NDST1: variants seen among roughly 807,000 people sequenced by gnomAD.
The protein encoded by NDST1 is bifunctional heparan sulfate N-deacetylase/N-sulfotransferase 1.
A neutral mutation model predicts 92.8 loss-of-function variants in NDST1; 35 were observed. The ratio of observed to expected loss-of-function variants is 0.38; its 90% CI spans 0.29 to 0.50. The LOEUF (loss-of-function observed/expected upper bound fraction) is 0.50. Ranked by LOEUF, NDST1 falls within the 20% of genes least tolerant of loss-of-function variation. The pLI is 0.94. For missense variants in NDST1, 822 were observed against 1,182.7 expected, an observed-to-expected ratio of 0.69 and a Z score of 4.47; for synonymous variants, 493 against 500.3, an observed-to-expected ratio of 0.99 and a Z score of 0.19.
At chr5:150,541,980 A>G (rs1755267667) in intron 9 of NDST1, among the ~76,000 whole-genome samples, 1 of 152,204 alleles carries the variant, frequency 6.6e-6, no homozygotes, top group Admixed American at 6.5e-5. Flanking sequence ...ATGCCAAGCA[A>G]AACTGGTACA....
At chr5:150,522,966 C>G (rs1754308479) in intron 2 of NDST1, among the ~76,000 whole-genome samples, 2 of 152,202 alleles carry the variant, frequency 1.3e-5, no homozygotes, top group African/African-American at 4.8e-5. Context: ...GGAGATGGGT[C>G]AGAAGTGGCC....
chr5:150,519,814 A>G (rs1277095189), intron 1 of NDST1, among the ~76,000 whole-genome samples: 2 of 152,116 alleles, frequency 1.3e-5, no homozygotes, highest in African/African-American at 2.4e-5. Flanking sequence ...GGATGAGACA[A>G]TTGGGGCCTT....
rs759495065 is a variant in NDST1, at chr5:150,540,255, G to T, written c.1740G>T (p.Pro580=). The change falls in exon 8 of 15, where the codon CCG becomes CCT. Residue 580 remains proline (P), a synonymous_variant. Coordinates refer to ENST00000261797, the MANE Select transcript of NDST1 (RefSeq NM_001543.5). ...YFQIFSEEKD[P]LWQDPCEDKR... ...AGATCTTCTCCGAGGAGAAGGACCC[G>T]CTCTGGCAGGTGGGGGGCTGGGCAG... 8.1e-6 allele frequency: 13 copies of T among 1,605,140 alleles called. No homozygotes were observed. Among genetic ancestry groups the T allele is most frequent in the East Asian group, 6.7e-5 (3 of 44,752 alleles).
In NDST1 at chr5:150,540,153, G is replaced by A. The variant is rs1268310681; in HGVS notation, c.1638G>A (p.Leu546=). ...TGGGCCTGTACACCTTCAAGCACCT[G>A]GTGCGCTTCCTGCACTCCTGGACGA... The part of the protein sequence containing the change: ...DRLGLYTFKH[L]VRFLHSWTNL... Residue 546 remains leucine (L), a synonymous_variant, in exon 8 of 15, where the codon CTG becomes CTA. Coordinates refer to ENST00000261797, the MANE Select transcript of NDST1 (RefSeq NM_001543.5). The A allele has an allele frequency of 2.5e-6, 4 of 1,614,222 alleles. No homozygotes were observed. Among genetic ancestry groups the A allele is most frequent in the Middle Eastern group, 1.7e-4 (1 of 6,060 alleles).
At chr5:150,507,899 C>T (rs1753534570), upstream of NDST1, among the ~76,000 whole-genome samples, 2 of 152,290 alleles carry the variant, frequency 1.3e-5, no homozygotes, top group African/African-American at 4.8e-5. Flanking sequence ...GTGAGGCAGG[C>T]GAGGTGCCAG....
At position 150,534,888 on chromosome 5, in the gene NDST1, G is replaced by A. The variant is rs1364426834; in HGVS notation, c.1118G>A (p.Gly373Glu). 1 of 1,614,266 alleles carries A rather than the reference G, an allele frequency of 6.2e-7. No individual in the cohort carries two copies. Among genetic ancestry groups the A allele is most frequent in the Non-Finnish European group, 8.5e-7 (1 of 1,180,042 alleles). ...GCAGGTACCAATGCTGAGGACGCTG[G>A]GGATGATCTGCTGCTGTCGTATGTG... ...FHTGTNAEDA[G>E]DDLLLSYVKE... The change falls in exon 5 of 15, where the codon GGG (glycine) becomes GAG (glutamate). Residue 373 changes from glycine to glutamate, a missense_variant. Gly to Glu is a moderately conservative substitution (Grantham distance 98). Coordinates refer to ENST00000261797, the MANE Select transcript of NDST1 (RefSeq NM_001543.5).
chr5:150,533,194 G>T (rs940119960), intron 4 of NDST1, among the ~76,000 whole-genome samples, 162 bp downstream of exon 4: 2 of 152,234 alleles, frequency 1.3e-5, no homozygotes, highest in Non-Finnish European at 2.9e-5. Context: ...TACAAGAGCA[G>T]TCACAACCCA....
At chr5:150,513,606 G>A (rs549050235) in intron 1 of NDST1, among the ~76,000 whole-genome samples, 1 of 152,324 alleles carries the variant, frequency 6.6e-6, no homozygotes, top group South Asian at 2.1e-4. Flanking sequence ...GCCTGCTGGC[G>A]CACAGTAGGC....
chr5:150,510,713 C>T (rs1272805783), intron 1 of NDST1, among the ~76,000 whole-genome samples: 1 of 152,228 alleles, frequency 6.6e-6, no homozygotes, highest in Non-Finnish European at 1.5e-5. Context: ...GTTGGGCCTT[C>T]CCTGCCAGGG....
Position 150,514,772 on chromosome 5 carries a change from T to C in NDST1, c.-387-6096T>C, listed in dbSNP as rs1328309511. Among the ~76,000 whole-genome samples, 3 of 152,168 alleles carry C rather than the reference T, an allele frequency of 2.0e-5. No individual in the cohort carries two copies. The East Asian group carries it at 5.8e-4, about 29-fold the overall frequency. Reference sequence around the variant, plus strand: ...TTTCCATGTGACTGTGGCAAGTCACTTCACCTTGAAGTCTTTGTCTCCTTA... The same window carrying C: ...TTTCCATGTGACTGTGGCAAGTCACCTCACCTTGAAGTCTTTGTCTCCTTA... On this transcript the variant is annotated intron_variant, in intron 1 of 14. Transcript: ENST00000261797.
chr5:150,519,402 T>A (rs1754136816), intron 1 of NDST1, among the ~76,000 whole-genome samples: 1 of 152,240 alleles, frequency 6.6e-6, no homozygotes, highest in South Asian at 2.1e-4. Flanking sequence ...TTTGAGCTGC[T>A]GTGACTGATA....
At chr5:150,519,835 A>G (rs1017229304) in intron 1 of NDST1, among the ~76,000 whole-genome samples, 1 of 152,134 alleles carries the variant, frequency 6.6e-6, no homozygotes, top group African/African-American at 2.4e-5. Context: ...TGTGTCGTGT[A>G]TGTACGTCTT....
chr5:150,542,174 A>G (rs1013205296), intron 9 of NDST1, among the ~76,000 whole-genome samples: 2 of 152,178 alleles, frequency 1.3e-5, no homozygotes, highest in Non-Finnish European at 2.9e-5. Flanking sequence ...CAGTTAGGCA[A>G]TGGCAATTCC....
chr5:150,527,774 G>C, intron 2 of NDST1, 30 bp from the exon 3 acceptor site: 1 of 1,611,280 alleles, frequency 6.2e-7, no homozygotes, highest in Non-Finnish European at 8.5e-7. Context: ...TGACAGTTCT[G>C]TTCCCCTTCC....
chr5:150,525,304 C>T (rs1754421622), intron 2 of NDST1, among the ~76,000 whole-genome samples: 5 of 152,230 alleles, frequency 3.3e-5, no homozygotes, highest in Admixed American at 2.0e-4. Context: ...GATGGCTGGG[C>T]AGCTGACTGA....
Position 150,527,919 on chromosome 5 carries a change from C to A in NDST1, c.629C>A (p.Thr210Lys), listed in dbSNP as rs767336817. The change falls in exon 3 of 15, where the codon ACG (threonine) becomes AAG (lysine). Residue 210 changes from threonine to lysine, a missense_variant. Coordinates refer to ENST00000261797, the MANE Select transcript of NDST1 (RefSeq NM_001543.5). ...INPKSPLLYV[T>K]RPSEVEKGVL... is the part of the protein sequence containing the mutation. Reference sequence around the variant, plus strand: ...CCCAAGTCCCCGCTGCTCTACGTGACGCGACCTAGCGAGGTGGAGAAAGGT... The same window carrying A: ...CCCAAGTCCCCGCTGCTCTACGTGAAGCGACCTAGCGAGGTGGAGAAAGGT... 1 of 1,614,208 alleles carries A rather than the reference C, an allele frequency of 6.2e-7. No homozygotes were observed. The highest frequency in any genetic ancestry group is 1.6e-4 in the Middle Eastern group (1 of 6,062).
At chr5:150,539,142 C>A in intron 6 of NDST1, 86 bp from the exon 7 acceptor site, 1 of 1,116,894 alleles carries the variant, frequency 9.0e-7, no homozygotes, top group Non-Finnish European at 1.4e-6. Context: ...TGAGGAGCAG[C>A]TGGGCCTTCT....
At chr5:150,535,639 G>C (rs1267028887) in intron 5 of NDST1, 61 bp from the exon 6 acceptor site, 2 of 1,583,770 alleles carry the variant, frequency 1.3e-6, no homozygotes, top group Non-Finnish European at 1.7e-6. Context: ...TACAAAGGGG[G>C]GATAAGGCCC....
chr5:150,552,270 G>T (rs1019854874), intron 14 of NDST1, among the ~76,000 whole-genome samples: 13 of 152,164 alleles, frequency 8.5e-5, no homozygotes, highest in Non-Finnish European at 1.0e-4. Flanking sequence ...GGTAAAAAAG[G>T]CTCCTTAAAG....
Sources: allele counts gnomAD v4.1 joint callset (sites outside exome capture counted in the v4.1 genomes callset), GRCh38; gene constraint gnomAD v4.1.1; transcripts MANE v1.5; gene names NCBI Gene and HGNC (gene_info 2026-07-23, HGNC 2026-07-21).